Variants in ROBO2 observed in about 807,000 individuals in gnomAD.
ROBO2 encodes the protein roundabout homolog 2.
ROBO2 carries 53 observed loss-of-function variants against 160.8 expected under a neutral mutation model. The ratio of observed to expected loss-of-function variants is 0.33; its 90% CI spans 0.26 to 0.41. The LOEUF is 0.41. Ranked by LOEUF, ROBO2 falls within the 10% of genes least tolerant of loss-of-function variation. ROBO2 has a pLI of 1.00. For missense variants in ROBO2, 1,577 were observed against 1,722.4 expected, an observed-to-expected ratio of 0.92 and a Z score of 1.49; for synonymous variants, 664 against 611.7, an observed-to-expected ratio of 1.09 and a Z score of -1.26.
At chr3:77,181,659 G>A (rs189067960) in intron 2 of ROBO2, among the ~76,000 whole-genome samples, 5 of 152,072 alleles carry the variant, frequency 3.3e-5, no homozygotes, top group South Asian at 2.1e-4. Flanking sequence ...AAAATGTTTC[G>A]CTTGAAAATG....
At chr3:76,325,098 C>A (rs1346776257) in intron 2 of ROBO2, among the ~76,000 whole-genome samples, 2 of 152,208 alleles carry the variant, frequency 1.3e-5, no homozygotes, top group Non-Finnish European at 2.9e-5. Flanking sequence ...GAGCGAGACT[C>A]CGTCTCAAAA....
At chr3:76,269,031 A>G (rs1559701514) in intron 2 of ROBO2, among the ~76,000 whole-genome samples, 1 of 151,974 alleles carries the variant, frequency 6.6e-6, no homozygotes, top group Non-Finnish European at 1.5e-5. Flanking sequence ...CTTATTGGGG[A>G]GGAGGTGGGG....
chr3:76,664,497 G>C (rs532888983), intron 2 of ROBO2, among the ~76,000 whole-genome samples: 1 of 152,308 alleles, frequency 6.6e-6, no homozygotes, highest in South Asian at 2.1e-4. Context: ...CATAGGAAAC[G>C]TCCAGAGGGC....
At chr3:76,377,747 T>C (rs1398120516) in intron 2 of ROBO2, among the ~76,000 whole-genome samples, 1 of 151,668 alleles carries the variant, frequency 6.6e-6, no homozygotes, top group African/African-American at 2.4e-5. Context: ...TGCTTGTGGG[T>C]TTTTTTTCTC....
exon 26 of ROBO2, chr3:77,648,479 T>G (rs1249438074): frequency 6.6e-6 from 1 of 152,214 alleles, no homozygotes; most frequent in African/African-American, 2.4e-5. Context: ...AAATTAACTG[T>G]TGTAGTTAAA....
intron 13 of ROBO2, 75 bp downstream of exon 14, chr3:77,568,509 CA>C: frequency 6.5e-7 from 1 of 1,540,336 alleles, no homozygotes; most frequent in Non-Finnish European, 9.0e-7. Flanking sequence ...TGCAAATGAA[CA>C]AAGAGTGATA....
intron 2 of ROBO2, among the ~76,000 whole-genome samples, chr3:76,295,963 A>G (rs1709051397): frequency 6.6e-6 from 1 of 152,214 alleles, no homozygotes; most frequent in Non-Finnish European, 1.5e-5. Context: ...TAAGTTATTT[A>G]TAAGATACAT....
chr3:77,014,184 C>A (rs1436826937), intron 2 of ROBO2, among the ~76,000 whole-genome samples: 1 of 152,008 alleles, frequency 6.6e-6, no homozygotes, highest in Non-Finnish European at 1.5e-5. Flanking sequence ...AACATATAGT[C>A]AACAGACTCT....
chr3:76,345,167 G>T (rs1576565094), intron 2 of ROBO2, among the ~76,000 whole-genome samples: 1 of 152,094 alleles, frequency 6.6e-6, no homozygotes, highest in East Asian at 1.9e-4. Flanking sequence ...AAGGAGGTGT[G>T]TCGGGGAGGA....
At chr3:76,672,280 AAG>A (rs1434882611) in intron 2 of ROBO2, among the ~76,000 whole-genome samples, 1 of 152,080 alleles carries the variant, frequency 6.6e-6, no homozygotes, top group Non-Finnish European at 1.5e-5. Context: ...TATTTTAAGA[AAG>A]AGTCCCCAGA....
chr3:76,824,150 T>C (rs958265436), intron 2 of ROBO2, among the ~76,000 whole-genome samples: 3 of 152,190 alleles, frequency 2.0e-5, no homozygotes, highest in Non-Finnish European at 4.4e-5. Flanking sequence ...GGGAATGTAC[T>C]GGAGACACAC....
chr3:77,635,775 C>T (rs141824876), intron 24 of ROBO2, among the ~76,000 whole-genome samples: 2 of 152,280 alleles, frequency 1.3e-5, no homozygotes, highest in African/African-American at 4.8e-5. Context: ...AAATATACTA[C>T]GTGACACTTG....
intron 2 of ROBO2, among the ~76,000 whole-genome samples, chr3:76,487,177 C>T (rs186914014): frequency 6.0e-5 from 9 of 150,492 alleles, no homozygotes; most frequent in African/African-American, 2.2e-4. Context: ...GACAGTGTCT[C>T]TCTTTGTTCC....
upstream of ROBO2, among the ~76,000 whole-genome samples, chr3:77,038,605 A>G (rs2063774282): frequency 6.6e-6 from 1 of 152,114 alleles, no homozygotes. Flanking sequence ...TCCAGCATTT[A>G]GCTCGGCTCG....
chr3:76,424,136 A>G (rs1231582637), intron 2 of ROBO2, among the ~76,000 whole-genome samples: 2 of 152,190 alleles, frequency 1.3e-5, no homozygotes, highest in Non-Finnish European at 2.9e-5. Flanking sequence ...GTGCTTAGCA[A>G]TATGTGTCTT....
At chr3:76,878,025 T>C (rs1325392061) in intron 2 of ROBO2, among the ~76,000 whole-genome samples, 1 of 152,196 alleles carries the variant, frequency 6.6e-6, no homozygotes, top group Non-Finnish European at 1.5e-5. Context: ...ATTCAACCTT[T>C]AATTACCTTC....
At chr3:76,683,405 A>G (rs1216610208) in intron 2 of ROBO2, among the ~76,000 whole-genome samples, 1 of 148,886 alleles carries the variant, frequency 6.7e-6, no homozygotes, top group African/African-American at 2.5e-5. Context: ...TCAGTATAAT[A>G]TGATTCAGCG....
At chr3:76,054,416 T>C (rs561557387) in intron 2 of ROBO2, among the ~76,000 whole-genome samples, 2 of 152,218 alleles carry the variant, frequency 1.3e-5, no homozygotes, top group African/African-American at 4.8e-5. Context: ...AGAGTGAGTT[T>C]AGACAGAAAT....
At chr3:76,107,972 A>G (rs1435317095) in intron 2 of ROBO2, among the ~76,000 whole-genome samples, 12 of 152,106 alleles carry the variant, frequency 7.9e-5, no homozygotes, top group Non-Finnish European at 1.6e-4. Flanking sequence ...CTGTTCAGAA[A>G]TGTATAGGTA....
Sources: gnomAD v4.1 joint callset for allele counts (sites outside exome capture counted in the v4.1 genomes callset) on GRCh38, gnomAD v4.1.1 for gene constraint, MANE v1.5 for transcripts, NCBI Gene and HGNC (gene_info 2026-07-23, HGNC 2026-07-21) for gene names.